ICA1L: variants seen among roughly 807,000 people sequenced by gnomAD.
ICA1L encodes the protein islet cell autoantigen 1-like protein.
In ICA1L, 50 loss-of-function variants were observed where a neutral mutation model predicts 61.3. The observed-to-expected ratio is 0.82, with a 90% CI of 0.65 to 1.03. ICA1L has a LOEUF of 1.03. Ranked by LOEUF, ICA1L falls within the 50% of genes least tolerant of loss-of-function variation. ICA1L has a pLI of 0.00. For synonymous variants in ICA1L, 161 were observed against 191.3 expected, an observed-to-expected ratio of 0.84 and a Z score of 1.31; for missense variants, 508 against 556.7, an observed-to-expected ratio of 0.91 and a Z score of 0.88.
chr2:202,824,518 GGTATT>G (rs940738865), intron 3 of ICA1L, among the ~76,000 whole-genome samples: 3 of 152,106 alleles, frequency 2.0e-5, no homozygotes, highest in South Asian at 4.1e-4. Flanking sequence ...GAGGGAAAGG[GGTATT>G]GTATTGTATT....
intron 1 of ICA1L, among the ~76,000 whole-genome samples, chr2:202,835,093 T>C (rs924609668): frequency 4.6e-5 from 7 of 152,172 alleles, no homozygotes; most frequent in African/African-American, 1.7e-4. Flanking sequence ...TTTATATTTA[T>C]GATGTATGAC....
chr2:202,782,665 C>G (rs964717043), intron 12 of ICA1L, among the ~76,000 whole-genome samples: 1 of 152,040 alleles, frequency 6.6e-6, no homozygotes, highest in Non-Finnish European at 1.5e-5. Flanking sequence ...CCTTGGCCTC[C>G]CAAAGTGCTG....
At chr2:202,814,914 T>A in intron 7 of ICA1L, 130 bp from the exon 8 acceptor site, 1 of 655,078 alleles carries the variant, frequency 1.5e-6, no homozygotes, top group Non-Finnish European at 2.7e-6. Context: ...GTGAAAGATA[T>A]AGGACATGTA....
At chr2:202,818,948 CA>C (rs1693621523) in intron 5 of ICA1L, among the ~76,000 whole-genome samples, 1 of 152,194 alleles carries the variant, frequency 6.6e-6, no homozygotes, top group African/African-American at 2.4e-5. Context: ...AGTGCATTCG[CA>C]ATGTTGTTCA....
In ICA1L at chr2:202,773,977, T is replaced by G. The variant is rs137986703; in HGVS notation, c.*5556A>C. ...TTACTTGCCACTGTGTTTTAAAAGG[T>G]ATATGGTACTAAGAAGAGTTGGCTG... On this transcript the variant is annotated 3_prime_UTR_variant, in exon 13 of 13. Transcript: ENST00000358299. The G allele has an allele frequency of 1.5e-4, 142 of 951,518 alleles. No individual in the cohort carries two copies. The African/African-American group carries it at 2.1e-3, about 14-fold the overall frequency. The allele number at this position is 951,518 out of a possible 1,614,324, so 58.9% of individuals were successfully genotyped here.
rs919778927 is a variant in ICA1L at position 202,779,500 on chromosome 2, C to T, written c.*33G>A. ...AGGAAATACGTTGCAAAATTGATGT[C>T]TCAAGGCCACTGAAGTGACATTATA... On this transcript the variant is annotated 3_prime_UTR_variant, in exon 13 of 13. Transcript: ENST00000358299. 6 of 1,341,748 alleles carry T rather than the reference C, an allele frequency of 4.5e-6. No homozygotes were observed. The highest frequency in any genetic ancestry group is 6.4e-6 in the Non-Finnish European group (6 of 941,070). 83.1% of individuals were successfully genotyped at this position (1,341,748 alleles called of 1,614,324 possible).
At chr2:202,826,661 GGGGTTTCACCATCTT>G (rs1693850747) in intron 2 of ICA1L, among the ~76,000 whole-genome samples, 4 of 152,078 alleles carry the variant, frequency 2.6e-5, no homozygotes, top group Admixed American at 2.0e-4. Flanking sequence ...TAGTAGAGAT[GGGGTTTCACCATCTT>G]GGCCAGGCTG....
rs1043867423 is a variant in ICA1L at position 202,774,979 on chromosome 2, A to C, written c.*4554T>G. 4 of 152,244 alleles carry C rather than the reference A, an allele frequency of 2.6e-5. No homozygotes were observed. Among genetic ancestry groups the C allele is most frequent in the Admixed American group, 2.0e-4 (3 of 15,288 alleles). The allele number at this position is 152,244 out of a possible 1,614,324, so 9.4% of individuals were successfully genotyped here. A position where few individuals can be genotyped will look rare whatever the true frequency, so the allele number is the denominator to read the frequency against. On this transcript the variant is annotated 3_prime_UTR_variant, in exon 13 of 13. Coordinates refer to ENST00000358299, the MANE Select transcript of ICA1L (RefSeq NM_001288622.3). Reference sequence around the variant, plus strand: ...AATTTACACCACTGAGTGAAGAACCATGTTTTGACTTTAAATGCCAAGGAC... The same window carrying C: ...AATTTACACCACTGAGTGAAGAACCCTGTTTTGACTTTAAATGCCAAGGAC...
chr2:202,815,114 A>C (rs1263713754), intron 7 of ICA1L, among the ~76,000 whole-genome samples: 1 of 152,186 alleles, frequency 6.6e-6, no homozygotes, highest in Admixed American at 6.5e-5. Context: ...AAAGATTTTC[A>C]ATTTTGATTC....
At chr2:202,846,681 A>T (rs1694471822) in intron 1 of ICA1L, among the ~76,000 whole-genome samples, 1 of 152,196 alleles carries the variant, frequency 6.6e-6, no homozygotes, top group African/African-American at 2.4e-5. Flanking sequence ...AAATGTTGAT[A>T]AAAAATAACA....
At chr2:202,811,659 CAAAAAAAAA>C in intron 9 of ICA1L, 78 bp downstream of exon 9, 1 of 480,682 alleles carries the variant, frequency 2.1e-6, no homozygotes, top group Admixed American at 4.1e-5. Flanking sequence ...AAGACTGTCT[CAAAAAAAAA>C]AAAAAAAAAA....
chr2:202,834,983 C>G (rs1188528054), intron 1 of ICA1L, among the ~76,000 whole-genome samples: 1 of 151,950 alleles, frequency 6.6e-6, no homozygotes, highest in African/African-American at 2.4e-5. Context: ...GGCAACACAC[C>G]AACATGCCTG....
intron 9 of ICA1L, among the ~76,000 whole-genome samples, chr2:202,804,441 C>T (rs566067961): frequency 1.8e-4 from 28 of 151,424 alleles, no homozygotes; most frequent in African/African-American, 6.5e-4. Flanking sequence ...AATTGTCTTA[C>T]TAAGAAAATT....
chr2:202,832,427 C>G (rs1574363136), intron 1 of ICA1L, among the ~76,000 whole-genome samples: 1 of 92,158 alleles, frequency 1.1e-5, no homozygotes, highest in Non-Finnish European at 2.1e-5. Flanking sequence ...CAGAGTGAGA[C>G]TCCGTCACAA....
At chr2:202,864,150 A>G (rs1687391981) in intron 1 of ICA1L, among the ~76,000 whole-genome samples, 1 of 152,234 alleles carries the variant, frequency 6.6e-6, no homozygotes. Context: ...TTCATAGAGT[A>G]GAAGAGGAAA....
At chr2:202,840,974 C>G in intron 1 of ICA1L, 1 of 683,640 alleles carries the variant, frequency 1.5e-6, no homozygotes, top group Non-Finnish European at 2.8e-6. Context: ...GGTTGGCCAT[C>G]TCCTCATACT....
chr2:202,858,886 G>A (rs1476733632), intron 1 of ICA1L, among the ~76,000 whole-genome samples: 4 of 152,156 alleles, frequency 2.6e-5, no homozygotes, highest in Non-Finnish European at 5.9e-5. Flanking sequence ...GTTTGTGTAA[G>A]TACACTCTAT....
intron 1 of ICA1L, chr2:202,870,777 G>A (rs1459602759): frequency 6.6e-6 from 1 of 152,210 alleles, no homozygotes; most frequent in African/African-American, 2.4e-5. Flanking sequence ...CAGCTTTTAT[G>A]CTGTGTGCAT....
At chr2:202,803,026 G>T (rs1034723389) in intron 9 of ICA1L, among the ~76,000 whole-genome samples, 13 of 151,932 alleles carry the variant, frequency 8.6e-5, no homozygotes, top group African/African-American at 2.9e-4. Context: ...GGCTAAACTC[G>T]CCAGTTAAAA....
Sources: allele counts gnomAD v4.1 joint callset (sites outside exome capture counted in the v4.1 genomes callset), GRCh38; gene constraint gnomAD v4.1.1; transcripts MANE v1.5; gene names NCBI Gene and HGNC (gene_info 2026-07-23, HGNC 2026-07-21).